Variants in ARMH4 observed in about 807,000 individuals in gnomAD.
ARMH4 encodes armadillo-like helical domain-containing protein 4.
Under a neutral mutation model 61.9 loss-of-function variants are expected in ARMH4, and 49 were observed. That is an observed-to-expected ratio of 0.79 (90% CI 0.63 to 1.00). ARMH4 has a LOEUF of 1.00. ARMH4 is among the 50% of genes least tolerant of loss of function. The probability of loss-of-function intolerance (pLI) is 0.00; values close to 1 mark genes in which losing one functional copy is unlikely to be tolerated. For missense variants in ARMH4, 934 were observed against 930.0 expected (o/e 1.00, Z -0.06); for synonymous variants, 368 against 341.5 (o/e 1.08, Z -0.85).
At chr14:58,132,667 G>A (rs1221729917) in intron 3 of ARMH4, among the ~76,000 whole-genome samples, 1 of 135,088 alleles carries the variant, frequency 7.4e-6, no homozygotes, top group Non-Finnish European at 1.5e-5. Context: ...CTCCCTGCAA[G>A]CTCCGCCCCC....
chr14:58,068,457 A>G (rs1352668872), intron 5 of ARMH4, among the ~76,000 whole-genome samples: 1 of 152,178 alleles, frequency 6.6e-6, no homozygotes, highest in Non-Finnish European at 1.5e-5. Context: ...TGCCTTATTC[A>G]GCTGAAACTA....
intron 5 of ARMH4, among the ~76,000 whole-genome samples, chr14:58,087,031 C>T (rs1007445373): frequency 6.6e-6 from 1 of 152,044 alleles, no homozygotes; most frequent in Admixed American, 6.6e-5. Flanking sequence ...CTAAATATAC[C>T]AAGAGTATAT....
At chr14:58,126,798 T>A (rs186984743) in intron 4 of ARMH4, among the ~76,000 whole-genome samples, 3 of 151,518 alleles carry the variant, frequency 2.0e-5, no homozygotes, top group Non-Finnish European at 4.4e-5. Context: ...AGCTTCTCCA[T>A]TGGATTTTTT....
intron 4 of ARMH4, among the ~76,000 whole-genome samples, chr14:58,114,148 C>T (rs1886442888): frequency 6.6e-6 from 1 of 152,054 alleles, no homozygotes; most frequent in South Asian, 2.1e-4. Flanking sequence ...TGTGGGAAAC[C>T]TATGGGACTC....
intron 5 of ARMH4, among the ~76,000 whole-genome samples, chr14:58,058,153 A>G (rs1884410895): frequency 6.6e-6 from 1 of 152,236 alleles, no homozygotes; most frequent in African/African-American, 2.4e-5. Flanking sequence ...AGGATGTTCA[A>G]GGTAATGATA....
At chr14:58,066,088 T>C (rs562391638) in intron 5 of ARMH4, among the ~76,000 whole-genome samples, 18 of 152,366 alleles carry the variant, frequency 1.2e-4, no homozygotes, top group Admixed American at 5.2e-4. Context: ...ATTTCATCAT[T>C]AGAAGCTTTT....
intron 5 of ARMH4, among the ~76,000 whole-genome samples, chr14:58,024,354 C>T (rs1746184100): frequency 6.6e-6 from 1 of 152,146 alleles, no homozygotes. Context: ...CCTCATGAAC[C>T]AACCTGTGCT....
At chr14:58,006,500 A>C (rs1409282221) in intron 6 of ARMH4, among the ~76,000 whole-genome samples, 1 of 152,164 alleles carries the variant, frequency 6.6e-6, no homozygotes, top group East Asian at 1.9e-4. Flanking sequence ...ATGAAACAGC[A>C]GCACTTTCCT....
At chr14:58,087,561 G>A (rs775205765) in intron 5 of ARMH4, among the ~76,000 whole-genome samples, 12 of 152,170 alleles carry the variant, frequency 7.9e-5, no homozygotes, top group Non-Finnish European at 1.3e-4. Context: ...GGGAGGAGAA[G>A]GGAATTTGCA....
At chr14:58,134,136 C>A (rs899978953) in intron 2 of ARMH4, among the ~76,000 whole-genome samples, 1 of 152,054 alleles carries the variant, frequency 6.6e-6, no homozygotes, top group Non-Finnish European at 1.5e-5. Context: ...CAATAATTAC[C>A]AGCTATTATA....
chr14:58,116,557 T>C (rs571590957), intron 4 of ARMH4: 41 of 177,994 alleles, frequency 2.3e-4, no homozygotes, highest in African/African-American at 8.5e-4. Context: ...ACATCTCTAG[T>C]CCCAGATACT....
intron 5 of ARMH4, among the ~76,000 whole-genome samples, chr14:58,041,031 G>T (rs370216571): frequency 6.6e-6 from 1 of 152,196 alleles, no homozygotes; most frequent in Non-Finnish European, 1.5e-5. Flanking sequence ...AGCTCCCAGC[G>T]TGAGCGACGC....
chr14:58,123,417 ATTG>A (rs1439484909), intron 4 of ARMH4, among the ~76,000 whole-genome samples: 1 of 152,122 alleles, frequency 6.6e-6, no homozygotes, highest in Non-Finnish European at 1.5e-5. Context: ...ACTCCAAAAG[ATTG>A]TTAAGGACCT....
chr14:58,084,906 T>C (rs1005042009), intron 5 of ARMH4, among the ~76,000 whole-genome samples: 5 of 152,242 alleles, frequency 3.3e-5, no homozygotes, highest in Admixed American at 6.5e-5. Flanking sequence ...TGGCCATTAA[T>C]TCTCAAATGC....
At chr14:58,052,082 C>G (rs1365668981) in intron 5 of ARMH4, among the ~76,000 whole-genome samples, 1 of 152,108 alleles carries the variant, frequency 6.6e-6, no homozygotes, top group Non-Finnish European at 1.5e-5. Flanking sequence ...ATCTCCCAAC[C>G]AGATTAGGCC....
At chr14:58,098,296 A>C (rs897922886) in intron 4 of ARMH4, among the ~76,000 whole-genome samples, 3 of 152,196 alleles carry the variant, frequency 2.0e-5, no homozygotes, top group Non-Finnish European at 2.9e-5. Context: ...TTGTAGGATT[A>C]ATGTCTGTCA....
chr14:58,116,335 A>G, intron 4 of ARMH4: 1 of 320,516 alleles, frequency 3.1e-6, no homozygotes, highest in Non-Finnish European at 6.6e-6. Flanking sequence ...TTCAAACACC[A>G]GTGGCAAAAT....
In ARMH4 at chr14:58,004,601, C is replaced by G; in HGVS notation, c.*135G>C. ...TGCTCAGTACAAGAAAAATCTACTA[C>G]CCAGCACCCAGCAGACACTAGGACT... On this transcript the variant is annotated 3_prime_UTR_variant, in exon 8 of 8. Transcript: ENST00000267485. 1 of 717,812 alleles carries G rather than the reference C, an allele frequency of 1.4e-6. No homozygotes were observed. Among genetic ancestry groups the G allele is most frequent in the Non-Finnish European group, 2.4e-6 (1 of 411,380 alleles). The allele number at this position is 717,812 out of a possible 1,614,324, so 44.5% of individuals were successfully genotyped here.
At chr14:58,005,276 C>A in intron 6 of ARMH4, 94 bp from the exon 7 acceptor site, 1 of 1,486,756 alleles carries the variant, frequency 6.7e-7, no homozygotes, top group South Asian at 1.2e-5. Flanking sequence ...TTTTTAGACA[C>A]TTTGAATTCT....
Sources: allele counts gnomAD v4.1 joint callset (sites outside exome capture counted in the v4.1 genomes callset), GRCh38; gene constraint gnomAD v4.1.1; transcripts MANE v1.5; gene names NCBI Gene and HGNC (gene_info 2026-07-23, HGNC 2026-07-21).